PTPRD: variants seen among roughly 807,000 people sequenced by gnomAD.
PTPRD encodes receptor-type tyrosine-protein phosphatase delta.
A neutral mutation model predicts 214.5 loss-of-function variants in PTPRD; 34 were observed. That is an observed-to-expected ratio of 0.16 (90% CI 0.12 to 0.21). The LOEUF is 0.21. PTPRD is among the 10% of genes least tolerant of loss of function. The probability of loss-of-function intolerance (pLI) is 1.00; values close to 1 mark genes in which losing one functional copy is unlikely to be tolerated. For missense variants in PTPRD, 2,545 were observed against 2,398.7 expected (o/e 1.06, Z -1.27); for synonymous variants, 1,128 against 845.7 (o/e 1.33, Z -5.79).
intron 5 of PTPRD, among the ~76,000 whole-genome samples, chr9:9,786,940 A>G (rs2098928993): frequency 6.6e-6 from 1 of 152,066 alleles, no homozygotes; most frequent in Non-Finnish European, 1.5e-5. Flanking sequence ...TTTTGAGACC[A>G]GCCTGGCCAA....
intron 8 of PTPRD, among the ~76,000 whole-genome samples, chr9:9,430,474 T>G (rs950678958): frequency 1.3e-5 from 2 of 152,086 alleles, no homozygotes; most frequent in African/African-American, 4.8e-5. Flanking sequence ...ATGGCCATAC[T>G]GCCCAAAGTA....
At chr9:8,486,790 T>A (rs1016569347) in intron 27 of PTPRD, among the ~76,000 whole-genome samples, 12 of 152,226 alleles carry the variant, frequency 7.9e-5, no homozygotes, top group African/African-American at 2.7e-4. Context: ...GTATTCACAA[T>A]TGGTTTACAT....
intron 3 of PTPRD, among the ~76,000 whole-genome samples, chr9:10,092,072 A>G (rs1404466732): frequency 6.6e-6 from 1 of 151,380 alleles, no homozygotes; most frequent in African/African-American, 2.4e-5. Context: ...TAAAGGAAGA[A>G]ACCATATAAT....
In PTPRD at chr9:8,989,625, G is replaced by A. The variant is rs186929593; in HGVS notation, c.-104+29072C>T. Among the ~76,000 whole-genome samples the A allele has an allele frequency of 4.2e-3, 635 of 151,788 alleles. 4 individuals carry two copies. The highest frequency in any genetic ancestry group is 4.8e-3 in the Non-Finnish European group (326 of 67,912). On this transcript the variant is annotated intron_variant, in intron 11 of 45. Coordinates refer to ENST00000381196, the MANE Select transcript of PTPRD (RefSeq NM_002839.4). The stretch of plus-strand genomic sequence containing the variant: ...CATCCAATGACAGTCACTGAATCTC[G>A]GTTTTTTCATCTGTAAAATTATGTG...
chr9:9,207,670 C>T (rs1204950595), intron 9 of PTPRD, among the ~76,000 whole-genome samples: 1 of 152,130 alleles, frequency 6.6e-6, no homozygotes, highest in Non-Finnish European at 1.5e-5. Flanking sequence ...ATTAAATGTG[C>T]ATTTACCCTT....
chr9:10,172,324 C>A (rs1050600308), intron 3 of PTPRD, among the ~76,000 whole-genome samples: 36 of 152,224 alleles, frequency 2.4e-4, no homozygotes, highest in African/African-American at 7.9e-4. Flanking sequence ...AATATCACCA[C>A]CCCATATGCA....
intron 8 of PTPRD, among the ~76,000 whole-genome samples, chr9:9,574,345 A>G (rs2087641642): frequency 1.3e-5 from 2 of 151,954 alleles, no homozygotes; most frequent in East Asian, 1.9e-4. Flanking sequence ...GGGAGACCCA[A>G]TTTTGATACA....
At chr9:9,273,891 G>A (rs1464880451) in intron 9 of PTPRD, among the ~76,000 whole-genome samples, 1 of 151,206 alleles carries the variant, frequency 6.6e-6, no homozygotes, top group East Asian at 2.0e-4. Flanking sequence ...AAACCTTCCA[G>A]AGGTTTGTCA....
intron 36 of PTPRD, among the ~76,000 whole-genome samples, chr9:8,399,252 G>GA (rs1165179320): frequency 1.3e-5 from 2 of 152,086 alleles, no homozygotes; most frequent in African/African-American, 4.8e-5. Flanking sequence ...TGTTTTATAA[G>GA]AAAACAACGA....
At chr9:9,757,009 A>C (rs1439219328) in intron 6 of PTPRD, among the ~76,000 whole-genome samples, 2 of 152,170 alleles carry the variant, frequency 1.3e-5, no homozygotes, top group Admixed American at 6.6e-5. Flanking sequence ...TTATAGAATC[A>C]CTGTTTTCTT....
chr9:8,464,129 CCA>C (rs1258943724), intron 32 of PTPRD, among the ~76,000 whole-genome samples: 1 of 151,774 alleles, frequency 6.6e-6, no homozygotes, highest in Admixed American at 6.6e-5. Context: ...ACATCAGAAA[CCA>C]CAGTGTGTAG....
chr9:8,484,233 G>A lies in PTPRD; in HGVS notation c.3299C>T (p.Thr1100Met), dbSNP rs200684369. The change falls in exon 30 of 46, where the codon ACG (threonine) becomes ATG (methionine). Residue 1100 changes from threonine (T) to methionine (M), a missense_variant. Physicochemically the swap from Thr to Met is moderately conservative, Grantham distance 81. Coordinates refer to ENST00000381196, the MANE Select transcript of PTPRD (RefSeq NM_002839.4). ...TAATACATCTGGTGCAGTCTTTGCC[G>A]TGACCCTGTGCTGCAGCCCACCAGC... ...NSAGGLQHRVTAKTAPDVLRT... is the reference protein window; with the variant it reads ...NSAGGLQHRVMAKTAPDVLRT... The A allele has an allele frequency of 6.2e-6, 10 of 1,614,090 alleles. No homozygotes were observed. Among genetic ancestry groups the A allele is most frequent in the Admixed American group, 1.7e-5 (1 of 60,004 alleles).
intron 8 of PTPRD, among the ~76,000 whole-genome samples, chr9:9,431,305 G>T (rs999467770): frequency 6.6e-6 from 1 of 152,184 alleles, no homozygotes; most frequent in African/African-American, 2.4e-5. Flanking sequence ...ATGAAAAATT[G>T]CTCATCATCA....
intron 3 of PTPRD, among the ~76,000 whole-genome samples, chr9:10,186,470 A>G (rs1284086162): frequency 2.6e-5 from 4 of 152,152 alleles, no homozygotes; most frequent in African/African-American, 9.6e-5. Context: ...TGATTTAACA[A>G]TATGATAGAT....
At chr9:9,805,888 G>A (rs554167393) in intron 5 of PTPRD, among the ~76,000 whole-genome samples, 11 of 152,066 alleles carry the variant, frequency 7.2e-5, no homozygotes, top group Non-Finnish European at 1.0e-4. Flanking sequence ...AGAACAGAAA[G>A]AAGAAAAGGC....
intron 3 of PTPRD, among the ~76,000 whole-genome samples, chr9:10,217,269 C>G (rs192078461): frequency 5.3e-5 from 8 of 151,776 alleles, no homozygotes; most frequent in African/African-American, 1.7e-4. Context: ...TTATTGGCCT[C>G]TTCCAGGCCA....
chr9:9,534,091 T>C (rs1220131901), intron 8 of PTPRD, among the ~76,000 whole-genome samples: 5 of 151,964 alleles, frequency 3.3e-5, no homozygotes, highest in African/African-American at 1.2e-4. Flanking sequence ...TATTTAAAAA[T>C]AGGGGCAAAA....
intron 12 of PTPRD, among the ~76,000 whole-genome samples, chr9:8,726,026 GACACACACACACAC>G (rs71500962): frequency 2.2e-5 from 3 of 139,512 alleles, no homozygotes; most frequent in Non-Finnish European, 3.1e-5. Context: ...CAGACAGACA[GACACACACACACAC>G]ACACACACAC....
At chr9:10,265,579 G>A (rs1224665524) in intron 3 of PTPRD, among the ~76,000 whole-genome samples, 1 of 152,202 alleles carries the variant, frequency 6.6e-6, no homozygotes, top group Non-Finnish European at 1.5e-5. Context: ...TGTGGGCCAT[G>A]TGGTCTCTAT....
Sources: gnomAD v4.1 joint callset for allele counts (sites outside exome capture counted in the v4.1 genomes callset) on GRCh38, gnomAD v4.1.1 for gene constraint, MANE v1.5 for transcripts, NCBI Gene and HGNC (gene_info 2026-07-23, HGNC 2026-07-21) for gene names.